VIPR2: variants seen among roughly 807,000 people sequenced by gnomAD.
VIPR2 encodes vasoactive intestinal polypeptide receptor 2.
In VIPR2, 48 loss-of-function variants were observed where a neutral mutation model predicts 58.0. The observed-to-expected ratio is 0.83, with a 90% CI of 0.66 to 1.05. The LOEUF is 1.05. VIPR2 is among the 50% of genes least tolerant of loss of function. The pLI, the probability that VIPR2 is intolerant of heterozygous loss-of-function variation, is 0.00. For synonymous variants in VIPR2, 243 were observed against 235.2 expected (o/e 1.03, Z -0.30); for missense variants, 534 against 558.0 (o/e 0.96, Z 0.43).
intron 4 of VIPR2, among the ~76,000 whole-genome samples, chr7:159,066,302 G>A (rs1324588204): frequency 6.6e-6 from 1 of 150,476 alleles, no homozygotes; most frequent in African/African-American, 2.5e-5. Context: ...TGCTCCCGCG[G>A]CGTCCGTGGA....
intron 2 of VIPR2, among the ~76,000 whole-genome samples, chr7:159,140,477 G>C (rs532168466): frequency 3.5e-4 from 53 of 152,170 alleles, no homozygotes; most frequent in Non-Finnish European, 6.6e-4. Flanking sequence ...CTGAGGCCCC[G>C]GCATGCTGCT....
intron 5 of VIPR2, among the ~76,000 whole-genome samples, chr7:159,047,061 C>G (rs1303780900): frequency 6.6e-6 from 1 of 152,064 alleles, no homozygotes. Context: ...AAGGTGAAAC[C>G]CTGTCTCTAC....
rs147382877 is a variant in VIPR2, at chr7:159,030,825, T to G, written c.1144-36A>C. 2.7e-6 allele frequency: 4 copies of G among 1,498,476 alleles called. No homozygotes were observed. The African/African-American group carries it at 5.7e-5, about 21-fold the overall frequency. 92.8% of individuals were successfully genotyped at this position (1,498,476 alleles called of 1,614,324 possible). A position where few individuals can be genotyped will look rare whatever the true frequency, so the allele number is the denominator to read the frequency against. On this transcript the variant is annotated intron_variant, in intron 12 of 12. Coordinates refer to ENST00000262178, the MANE Select transcript of VIPR2 (RefSeq NM_003382.5). ...AGGGCAGCGGGAACGCCCGTGAGCCTGGGCAGGTGCGGGCGGCTGCTATGG... is the reference window on the plus strand; with the variant it reads ...AGGGCAGCGGGAACGCCCGTGAGCCGGGGCAGGTGCGGGCGGCTGCTATGG...
intron 4 of VIPR2, among the ~76,000 whole-genome samples, chr7:159,075,075 G>C (rs1213876320): frequency 6.6e-6 from 1 of 152,186 alleles, no homozygotes; most frequent in Non-Finnish European, 1.5e-5. Context: ...CTCTTGTTCT[G>C]TTAGCCTTAG....
chr7:159,053,866 AT>A (rs1855147508), intron 5 of VIPR2, among the ~76,000 whole-genome samples: 2 of 152,238 alleles, frequency 1.3e-5, no homozygotes, highest in Admixed American at 1.3e-4. Flanking sequence ...TAAAACGGCA[AT>A]TGACATTAAA....
chr7:159,091,162 C>T (rs1857480678), intron 4 of VIPR2, among the ~76,000 whole-genome samples: 2 of 152,242 alleles, frequency 1.3e-5, no homozygotes, highest in Non-Finnish European at 2.9e-5. Flanking sequence ...CTACTTTGCC[C>T]CAGGAGCTCC....
chr7:159,028,332 G>C lies in VIPR2; in HGVS notation c.*2284C>G, dbSNP rs1268009400. 1 of 154,078 alleles carries C rather than the reference G, an allele frequency of 6.5e-6. No individual in the cohort carries two copies. Among genetic ancestry groups the C allele is most frequent in the Non-Finnish European group, 1.4e-5 (1 of 69,232 alleles). 9.5% of individuals were successfully genotyped at this position (154,078 alleles called of 1,614,324 possible). On this transcript the variant is annotated 3_prime_UTR_variant, in exon 13 of 13. Coordinates refer to ENST00000262178, the MANE Select transcript of VIPR2 (RefSeq NM_003382.5). ...ACCAGGCATCTGTCAGGAAACAGCC[G>C]GCCCCTCTACCAGGAGAAACCAGTC...
intron 10 of VIPR2, 134 bp downstream of exon 10, chr7:159,034,078 TG>T: frequency 1.3e-6 from 1 of 799,132 alleles, no homozygotes; most frequent in Non-Finnish European, 2.0e-6. Context: ...AGCAGAGCCC[TG>T]GGGCCCAGCC....
At chr7:159,091,058 T>C (rs568334570) in intron 4 of VIPR2, among the ~76,000 whole-genome samples, 266 of 143,442 alleles carry the variant, frequency 1.9e-3, no homozygotes, top group African/African-American at 4.6e-3. Context: ...TCACAATCTC[T>C]GGTGACCTCA....
chr7:159,092,910 C>T (rs540733568), intron 4 of VIPR2, among the ~76,000 whole-genome samples: 184 of 152,226 alleles, frequency 1.2e-3, no homozygotes, highest in African/African-American at 4.3e-3. Context: ...CCAGCAAGAG[C>T]AGCCTCCCTT....
chr7:159,034,178 C>T, intron 10 of VIPR2, 35 bp downstream of exon 10: 2 of 1,607,538 alleles, frequency 1.2e-6, no homozygotes, highest in African/African-American at 2.7e-5. Context: ...CACGGCATCC[C>T]CATCAGGGAC....
chr7:159,128,370 G>A lies in VIPR2; in HGVS notation c.151+14076C>T, dbSNP rs889381382. On this transcript the variant is annotated intron_variant, in intron 2 of 12. Coordinates refer to ENST00000262178, the MANE Select transcript of VIPR2 (RefSeq NM_003382.5). This position sits in a 1 kb window ranked among gnomAD's most constrained non-coding sequence, Gnocchi z 4.1. Reference sequence around the variant, plus strand: ...TGCAGTGGTCTCCTTGTGCCCCCAGGTGCCTGCTGGCACCAGGACACACCT... The same window carrying A: ...TGCAGTGGTCTCCTTGTGCCCCCAGATGCCTGCTGGCACCAGGACACACCT... Among the ~76,000 whole-genome samples, 3 of 152,062 alleles carry A rather than the reference G, an allele frequency of 2.0e-5. No individual in the cohort carries two copies. Among genetic ancestry groups the A allele is most frequent in the African/African-American group, 7.2e-5 (3 of 41,394 alleles).
intron 4 of VIPR2, among the ~76,000 whole-genome samples, chr7:159,083,419 G>A (rs905738249): frequency 2.6e-5 from 4 of 152,244 alleles, no homozygotes; most frequent in African/African-American, 9.6e-5. Flanking sequence ...CCTTCTGGGA[G>A]CAGTTTCCTC....
At chr7:159,110,730 T>A (rs573372707) in intron 2 of VIPR2, among the ~76,000 whole-genome samples, 23 of 150,984 alleles carry the variant, frequency 1.5e-4, no homozygotes, top group African/African-American at 5.3e-4. Context: ...AAACAAACAA[T>A]CAGTTTTCCT....
intron 2 of VIPR2, among the ~76,000 whole-genome samples, chr7:159,129,052 G>A (rs1030080221): frequency 3.9e-5 from 6 of 152,274 alleles, no homozygotes; most frequent in African/African-American, 1.2e-4. Context: ...ACGCACGTCT[G>A]CAGCTGTAAG....
intron 2 of VIPR2, among the ~76,000 whole-genome samples, chr7:159,132,514 T>C (rs1368960000): frequency 2.0e-5 from 3 of 152,228 alleles, no homozygotes; most frequent in Non-Finnish European, 4.4e-5. Flanking sequence ...AATTATGGGT[T>C]CATCAGAATC....
chr7:159,085,604 G>C (rs1417343531), intron 4 of VIPR2, among the ~76,000 whole-genome samples: 1 of 152,238 alleles, frequency 6.6e-6, no homozygotes, highest in Non-Finnish European at 1.5e-5. Context: ...CTCATGGTGA[G>C]TTTAAGGACA....
intron 4 of VIPR2, among the ~76,000 whole-genome samples, chr7:159,070,003 C>G (rs1856296462): frequency 6.6e-6 from 1 of 152,100 alleles, no homozygotes; most frequent in Admixed American, 6.6e-5. Flanking sequence ...TTTTGTGAGG[C>G]CTGGTGGACA....
intron 2 of VIPR2, among the ~76,000 whole-genome samples, chr7:159,133,187 T>G (rs1797051735): frequency 6.6e-6 from 1 of 152,312 alleles, no homozygotes; most frequent in South Asian, 2.1e-4. Context: ...AACTCAGATT[T>G]TGGCCTCTTG....
Sources: allele counts gnomAD v4.1 joint callset (sites outside exome capture counted in the v4.1 genomes callset), GRCh38; gene constraint gnomAD v4.1.1; non-coding constraint Gnocchi (gnomAD v3.1); transcripts MANE v1.5; gene names NCBI Gene and HGNC (gene_info 2026-07-23, HGNC 2026-07-21).